The following MAP6 variants were observed in gnomAD, a reference collection of about 807,000 sequenced individuals.
MAP6 encodes the protein microtubule-associated protein 6.
Under a neutral mutation model 42.4 loss-of-function variants are expected in MAP6, and 26 were observed. That is an observed-to-expected ratio of 0.61 (90% CI 0.45 to 0.85). MAP6 has a LOEUF of 0.85. Ranked by LOEUF, MAP6 falls within the 40% of genes least tolerant of loss-of-function variation. MAP6 has a pLI of 0.00. For missense variants in MAP6, 966 were observed against 1,099.0 expected (o/e 0.88, Z 1.71); for synonymous variants, 418 against 443.8 (o/e 0.94, Z 0.73).
chr11:75,644,086 CA>C (rs1399462666), intron 1 of MAP6, among the ~76,000 whole-genome samples: 1 of 152,140 alleles, frequency 6.6e-6, no homozygotes, highest in Non-Finnish European at 1.5e-5. Flanking sequence ...AGAATTCTCC[CA>C]ATCTGCTCGG....
intron 1 of MAP6, among the ~76,000 whole-genome samples, chr11:75,626,149 G>A (rs1244581635): frequency 6.6e-6 from 1 of 152,142 alleles, no homozygotes; most frequent in Non-Finnish European, 1.5e-5. Context: ...CTCTTGACAA[G>A]CATATATCCT....
intron 1 of MAP6, among the ~76,000 whole-genome samples, chr11:75,662,976 T>G (rs1425989715): frequency 6.6e-6 from 1 of 151,472 alleles, no homozygotes; most frequent in Non-Finnish European, 1.5e-5. Context: ...TTTTTTTTTT[T>G]TTTGAGATGG....
intron 1 of MAP6, among the ~76,000 whole-genome samples, chr11:75,640,195 C>CA (rs139041214): frequency 0.017 from 2,529 of 151,298 alleles, 76 homozygotes; most frequent in African/African-American, 0.059. Context: ...CCCCACCCCC[C>CA]CACACACACA....
At chr11:75,607,794 G>T in intron 2 of MAP6, 2 of 426,764 alleles carry the variant, frequency 4.7e-6, no homozygotes, top group Non-Finnish European at 6.3e-6. Flanking sequence ...AAGACAAGGG[G>T]ATTTAGGGCT....
At position 75,587,776 on chromosome 11, in the gene MAP6, A is replaced by G; in HGVS notation, c.1725T>C (p.Pro575=). 6.2e-7 allele frequency: 1 copy of G among 1,613,382 alleles called. No homozygotes were observed. Among genetic ancestry groups the G allele is most frequent in the African/African-American group, 1.3e-5 (1 of 74,972 alleles). ...RIPEPVKNQA[P]MVPAPVKDEG... ...CATCCTTGACAGGTGCTGGGACCAT[A>G]GGAGCTTGATTCTTCACAGGCTCAG... is the stretch of plus-strand genomic sequence containing the variant. Residue 575 remains proline (P), a synonymous_variant, in exon 4 of 4, where the codon CCT becomes CCC. Coordinates refer to ENST00000304771, the MANE Select transcript of MAP6 (RefSeq NM_033063.2).
chr11:75,627,998 A>G (rs1943225524), intron 1 of MAP6, among the ~76,000 whole-genome samples: 2 of 152,126 alleles, frequency 1.3e-5, no homozygotes, highest in Non-Finnish European at 2.9e-5. Flanking sequence ...TCTCCCTTCG[A>G]CTGAAATCAA....
chr11:75,603,053 C>T (rs1942693739), intron 3 of MAP6: 3 of 985,606 alleles, frequency 3.0e-6, no homozygotes, highest in Admixed American at 6.1e-5. Context: ...CTGTGGTATG[C>T]AACAAAACCC....
chr11:75,634,167 C>G (rs1034081055), intron 1 of MAP6, among the ~76,000 whole-genome samples: 6 of 152,154 alleles, frequency 3.9e-5, no homozygotes, highest in Admixed American at 1.3e-4. Context: ...AGTGAAGAAT[C>G]TTACACAGAA....
chr11:75,632,434 G>T (rs1246403409), intron 1 of MAP6, among the ~76,000 whole-genome samples: 1 of 152,170 alleles, frequency 6.6e-6, no homozygotes, highest in Non-Finnish European at 1.5e-5. Flanking sequence ...AGACAGGCAT[G>T]GTGAAGTGGA....
Position 75,667,411 on chromosome 11 carries a change from C to A in MAP6, c.905+54G>T. 7.2e-7 allele frequency: 1 copy of A among 1,381,724 alleles called. No individual in the cohort carries two copies. The highest frequency in any genetic ancestry group is 1.6e-5 in the South Asian group (1 of 63,926). 85.6% of individuals were successfully genotyped at this position (1,381,724 alleles called of 1,614,324 possible). On this transcript the variant is annotated intron_variant, in intron 1 of 3. Coordinates refer to ENST00000304771, the MANE Select transcript of MAP6 (RefSeq NM_033063.2). This position sits in a 1 kb window ranked among gnomAD's most constrained non-coding sequence, Gnocchi z 5.6. The stretch of plus-strand genomic sequence containing the variant: ...TGGGGATCCTGGGCCCCGGGCAGCC[C>A]GCGGGGAGGGTCTGCGTGGTGACTC...
At chr11:75,591,015 G>T (rs531543979) in intron 3 of MAP6, among the ~76,000 whole-genome samples, 7 of 152,184 alleles carry the variant, frequency 4.6e-5, no homozygotes, top group Non-Finnish European at 1.0e-4. Flanking sequence ...CATAGATTTA[G>T]TTCAAAGGTA....
At position 75,633,398 on chromosome 11, in the gene MAP6, A is replaced by C. The variant is rs184523697; in HGVS notation, c.906-25076T>G. Among the ~76,000 whole-genome samples the C allele has an allele frequency of 2.0e-3, 300 of 152,296 alleles. 1 individual carries two copies. The highest frequency in any genetic ancestry group is 1.8e-3 in the Non-Finnish European group (123 of 68,020). ...TTTCATGAGGACATGCTAGTGAGAG[A>C]TGCTAAAAAATTCACTCATTAATTT... On this transcript the variant is annotated intron_variant, in intron 1 of 3. Coordinates refer to ENST00000304771, the MANE Select transcript of MAP6 (RefSeq NM_033063.2).
chr11:75,633,610 G>C (rs1054269008), intron 1 of MAP6, among the ~76,000 whole-genome samples: 2 of 152,184 alleles, frequency 1.3e-5, no homozygotes, highest in Non-Finnish European at 2.9e-5. Flanking sequence ...AGGTGACAGA[G>C]AGTCACATGT....
At chr11:75,605,742 TA>T (rs561200648) in intron 3 of MAP6, 65 bp downstream of exon 3, 23,812 of 1,000,580 alleles carry the variant, frequency 0.024, 1 homozygote, top group South Asian at 0.054. Flanking sequence ...TTTGTTGGTT[TA>T]AAAAAAAAAA....
At chr11:75,599,292 A>C (rs992319535) in intron 3 of MAP6, among the ~76,000 whole-genome samples, 1 of 152,202 alleles carries the variant, frequency 6.6e-6, no homozygotes, top group African/African-American at 2.4e-5. Flanking sequence ...AAGGGACAGA[A>C]ATTTAAGCTC....
rs1408992094 is a variant in MAP6, at chr11:75,617,142, TG to T, written c.906-8821del. ...TACAGCTTAGAGGCCCTTGTGCATC[TG>T]GGAAACAATGTCTCATTCAAAGAAA... is the stretch of plus-strand genomic sequence containing the variant. On this transcript the variant is annotated intron_variant, in intron 1 of 3. Transcript: ENST00000304771. Among the ~76,000 whole-genome samples, 3 of 152,160 alleles carry T rather than the reference TG, an allele frequency of 2.0e-5. No individual in the cohort carries two copies. The East Asian group carries it at 5.8e-4, about 29-fold the overall frequency.
intron 3 of MAP6, chr11:75,604,433 C>A (rs978867174): frequency 1.0e-6 from 1 of 985,430 alleles, no homozygotes; most frequent in Non-Finnish European, 1.2e-6. Context: ...GAAGAGCAAG[C>A]CTGCGCCGGG....
Position 75,603,789 on chromosome 11 carries a change from A to G in MAP6, c.1316+2019T>C, listed in dbSNP as rs77230932. ...CGGGCTTCTAGCAAGGGAATGCTAA[A>G]TAAATGATCCCCTGTGCATTGTAAA... On this transcript the variant is annotated intron_variant, in intron 3 of 3. Transcript: ENST00000304771. 6.5e-5 allele frequency: 64 copies of G among 985,402 alleles called. 1 individual carries two copies. In the East Asian group the frequency reaches 5.7e-3, roughly 87 times the overall value. The allele number at this position is 985,402 out of a possible 1,614,324, so 61.0% of individuals were successfully genotyped here.
intron 3 of MAP6, among the ~76,000 whole-genome samples, chr11:75,591,406 G>A (rs1942474694): frequency 6.6e-6 from 1 of 152,204 alleles, no homozygotes. Context: ...CAAGGGCACC[G>A]TGAAATCCTC....
Sources: gnomAD v4.1 joint callset for allele counts (sites outside exome capture counted in the v4.1 genomes callset) on GRCh38, gnomAD v4.1.1 for gene constraint, Gnocchi (gnomAD v3.1) non-coding constraint, MANE v1.5 for transcripts, NCBI Gene and HGNC (gene_info 2026-07-23, HGNC 2026-07-21) for gene names.